KCNJ6: variants seen among roughly 807,000 people sequenced by gnomAD.
KCNJ6 encodes the protein G protein-activated inward rectifier potassium channel 2.
In KCNJ6, 9 loss-of-function variants were observed where a neutral mutation model predicts 34.2. The observed-to-expected ratio is 0.26, with a 90% CI of 0.16 to 0.46. The LOEUF is 0.46. KCNJ6 is among the 20% of genes least tolerant of loss of function. The pLI, the probability that KCNJ6 is intolerant of heterozygous loss-of-function variation, is 1.00. For missense variants in KCNJ6, 236 were observed against 531.3 expected, an observed-to-expected ratio of 0.44 and a Z score of 5.46; for synonymous variants, 196 against 207.1, an observed-to-expected ratio of 0.95 and a Z score of 0.46.
At chr21:37,778,807 A>T (rs1264775735) in intron 2 of KCNJ6, among the ~76,000 whole-genome samples, 1 of 148,202 alleles carries the variant, frequency 6.7e-6, no homozygotes, top group Non-Finnish European at 1.5e-5. Flanking sequence ...CCCCCCACTT[A>T]TTCTTGGAGC....
At chr21:37,828,364 T>A (rs541097411) in intron 2 of KCNJ6, among the ~76,000 whole-genome samples, 1 of 152,250 alleles carries the variant, frequency 6.6e-6, no homozygotes, top group East Asian at 1.9e-4. Flanking sequence ...TCATCTGAGT[T>A]TAATTCCCCG....
rs116319541 is a variant in KCNJ6, at chr21:37,671,558, G to A, written c.946+42653C>T. Among the ~76,000 whole-genome samples the A allele has an allele frequency of 4.8e-3, 733 of 152,368 alleles. 4 individuals carry two copies. The highest frequency in any genetic ancestry group is 0.017 in the African/African-American group (716 of 41,582). On this transcript the variant is annotated intron_variant, in intron 3 of 3. Transcript: ENST00000609713. ...CAAATTAATTGAATCCCAGGATGGG[G>A]TTGCGGGAACTCCCAATTTACAGCC...
chr21:37,872,164 C>A (rs940369525), intron 1 of KCNJ6, among the ~76,000 whole-genome samples: 39 of 152,126 alleles, frequency 2.6e-4, no homozygotes, highest in African/African-American at 8.4e-4. Flanking sequence ...ACAAGGCTGT[C>A]CTCAGGGAGC....
chr21:37,672,191 T>C (rs1315860941), intron 3 of KCNJ6, among the ~76,000 whole-genome samples: 4 of 152,084 alleles, frequency 2.6e-5, no homozygotes, highest in African/African-American at 9.7e-5. Flanking sequence ...TCCCCAGTGA[T>C]TGGGTCGGAA....
At chr21:37,694,265 C>T (rs1370102728) in intron 3 of KCNJ6, among the ~76,000 whole-genome samples, 3 of 152,324 alleles carry the variant, frequency 2.0e-5, no homozygotes, top group African/African-American at 7.2e-5. Flanking sequence ...TATCTTAGTG[C>T]TTCTCACCAG....
In KCNJ6 at chr21:37,863,138, G is replaced by A. The variant is rs889015130; in HGVS notation, c.-27-22429C>T. ...TTTATAGTCTTTTCTTTAACATTTTGCTTATTTTGTGTTATTTGATTCATT... is the reference window on the plus strand; with the variant it reads ...TTTATAGTCTTTTCTTTAACATTTTACTTATTTTGTGTTATTTGATTCATT... On this transcript the variant is annotated intron_variant, in intron 1 of 3. Coordinates refer to ENST00000609713, the MANE Select transcript of KCNJ6 (RefSeq NM_002240.5). Among the ~76,000 whole-genome samples, 5 of 152,134 alleles carry A rather than the reference G, an allele frequency of 3.3e-5. No homozygotes were observed. The East Asian group carries it at 7.7e-4, about 23-fold the overall frequency.
intron 3 of KCNJ6, among the ~76,000 whole-genome samples, chr21:37,626,295 T>TA (rs2054310789): frequency 2.6e-5 from 4 of 152,254 alleles, no homozygotes; most frequent in Admixed American, 6.5e-5. Flanking sequence ...CATGTCCGAC[T>TA]AATTTTTTTT....
At chr21:37,707,348 T>C (rs1163043300) in intron 3 of KCNJ6, among the ~76,000 whole-genome samples, 9 of 152,196 alleles carry the variant, frequency 5.9e-5, no homozygotes, top group Admixed American at 5.9e-4. Flanking sequence ...CTCTTTCTTG[T>C]TTTTTGCCTG....
intron 3 of KCNJ6, among the ~76,000 whole-genome samples, chr21:37,662,382 C>T (rs2054493559): frequency 6.6e-6 from 1 of 152,172 alleles, no homozygotes; most frequent in South Asian, 2.1e-4. Context: ...TGTTGGTTTG[C>T]TAAGGATAAT....
At chr21:37,885,206 A>T (rs1404361242) in intron 1 of KCNJ6, among the ~76,000 whole-genome samples, 1 of 152,180 alleles carries the variant, frequency 6.6e-6, no homozygotes, top group African/African-American at 2.4e-5. Flanking sequence ...CCACTTCATC[A>T]CATAGCAGGG....
intron 2 of KCNJ6, among the ~76,000 whole-genome samples, chr21:37,722,336 A>T (rs2054831125): frequency 6.6e-6 from 1 of 152,246 alleles, no homozygotes; most frequent in Non-Finnish European, 1.5e-5. Context: ...GGACTGGAAG[A>T]ATCAATATCA....
At chr21:37,822,257 C>A (rs7509807) in intron 2 of KCNJ6, among the ~76,000 whole-genome samples, 1 of 152,120 alleles carries the variant, frequency 6.6e-6, no homozygotes, top group East Asian at 1.9e-4. Context: ...AAGAGTGGGT[C>A]GTGGTTTGAT....
chr21:37,797,183 T>C (rs1317577835), intron 2 of KCNJ6, among the ~76,000 whole-genome samples: 1 of 152,136 alleles, frequency 6.6e-6, no homozygotes, highest in African/African-American at 2.4e-5. Flanking sequence ...CTTGAGTAGC[T>C]GGGATTACAA....
chr21:37,853,065 CAG>C (rs1191502090), intron 1 of KCNJ6, among the ~76,000 whole-genome samples: 1 of 148,260 alleles, frequency 6.7e-6, no homozygotes, highest in Non-Finnish European at 1.5e-5. Flanking sequence ...ATTTATGACA[CAG>C]AATATCAGGA....
In KCNJ6 at chr21:37,621,581, A is replaced by G. The variant is rs2054290039; in HGVS notation, c.*3578T>C. The G allele has an allele frequency of 6.6e-6, 1 of 152,262 alleles. No homozygotes were observed. Among genetic ancestry groups the G allele is most frequent in the Admixed American group, 6.5e-5 (1 of 15,288 alleles). 9.4% of individuals were successfully genotyped at this position (152,262 alleles called of 1,614,324 possible). On this transcript the variant is annotated 3_prime_UTR_variant, in exon 4 of 4. Coordinates refer to ENST00000609713, the MANE Select transcript of KCNJ6 (RefSeq NM_002240.5). ...TTTTTAAATTGGAGTGCAGTGAAAA[A>G]TAGACATTTCAGAGCCCTAGCTTGG...
At chr21:37,715,476 C>A (rs2054785612) in intron 2 of KCNJ6, among the ~76,000 whole-genome samples, 1 of 152,202 alleles carries the variant, frequency 6.6e-6, no homozygotes, top group Non-Finnish European at 1.5e-5. Flanking sequence ...AGGCAGTAAG[C>A]TCTGATGAAG....
intron 3 of KCNJ6, among the ~76,000 whole-genome samples, chr21:37,646,733 C>T (rs975436030): frequency 6.6e-6 from 1 of 151,000 alleles, no homozygotes; most frequent in African/African-American, 2.5e-5. Context: ...TGCAGTGGTG[C>T]GATCTCGGCT....
At chr21:37,825,324 T>C (rs2123557984) in intron 2 of KCNJ6, among the ~76,000 whole-genome samples, 1 of 152,280 alleles carries the variant, frequency 6.6e-6, no homozygotes, top group East Asian at 1.9e-4. Context: ...AGAGGAGGGC[T>C]AAGAACTTCC....
At chr21:37,631,974 T>G (rs1351927686) in intron 3 of KCNJ6, among the ~76,000 whole-genome samples, 2 of 152,118 alleles carry the variant, frequency 1.3e-5, no homozygotes, top group East Asian at 3.9e-4. Flanking sequence ...CATTTTCCTC[T>G]TTCCTCTGAC....
Sources: allele counts gnomAD v4.1 joint callset (sites outside exome capture counted in the v4.1 genomes callset), GRCh38; gene constraint gnomAD v4.1.1; transcripts MANE v1.5; gene names NCBI Gene and HGNC (gene_info 2026-07-23, HGNC 2026-07-21).